Variants in MAPK10 observed in about 807,000 individuals in gnomAD.
The protein encoded by MAPK10 is JNK3 alpha protein kinase.
MAPK10 carries 25 observed loss-of-function variants against 59.3 expected under a neutral mutation model. The ratio of observed to expected loss-of-function variants is 0.42; its 90% confidence interval spans 0.31 to 0.59. The LOEUF (loss-of-function observed/expected upper bound fraction) is 0.59, where lower values mean the gene tolerates loss of function less well. Ranked by LOEUF, MAPK10 falls within the 20% of genes least tolerant of loss-of-function variation. The pLI is 0.15. For missense variants in MAPK10, 351 were observed against 568.9 expected (o/e 0.62, Z 3.90); for synonymous variants, 190 against 200.5 (o/e 0.95, Z 0.44).
chr4:86,503,590 A>G (rs1467021307), intron 1 of MAPK10, among the ~76,000 whole-genome samples: 1 of 152,096 alleles, frequency 6.6e-6, no homozygotes, highest in African/African-American at 2.4e-5. Flanking sequence ...TATTCAACCA[A>G]TAAGAAGCAT....
At chr4:86,507,314 T>C (rs768700018) in intron 1 of MAPK10, among the ~76,000 whole-genome samples, 66 of 151,988 alleles carry the variant, frequency 4.3e-4, no homozygotes, top group Non-Finnish European at 8.2e-4. Context: ...AGCTATTAGA[T>C]TGACCAAATA....
chr4:86,295,284 C>T (rs1360603155), intron 2 of MAPK10, among the ~76,000 whole-genome samples: 1 of 152,166 alleles, frequency 6.6e-6, no homozygotes, highest in Non-Finnish European at 1.5e-5. Context: ...TACTTGCTCC[C>T]TCACCTCCTC....
intron 3 of MAPK10, chr4:86,193,890 A>T: frequency 6.0e-6 from 1 of 167,782 alleles, no homozygotes; most frequent in South Asian, 1.5e-4. Flanking sequence ...CGGTGTAGAC[A>T]CCTGAGGGAA....
intron 4 of MAPK10, among the ~76,000 whole-genome samples, chr4:86,118,734 A>C (rs1197401695): frequency 6.6e-6 from 1 of 152,074 alleles, no homozygotes; most frequent in African/African-American, 2.4e-5. Flanking sequence ...TTATTTGACA[A>C]TTTTTCTTGT....
chr4:86,471,825 T>C (rs1255731156), intron 1 of MAPK10, among the ~76,000 whole-genome samples: 1 of 152,200 alleles, frequency 6.6e-6, no homozygotes, highest in Non-Finnish European at 1.5e-5. Flanking sequence ...TGTACCTCTT[T>C]AATATGAAAT....
At chr4:86,513,141 G>C (rs971584998) in intron 1 of MAPK10, among the ~76,000 whole-genome samples, 12 of 151,788 alleles carry the variant, frequency 7.9e-5, no homozygotes, top group Non-Finnish European at 1.8e-4. Flanking sequence ...TCAAATTCCT[G>C]TGCTTAAGCA....
At chr4:86,028,285 C>T (rs1446587649) in intron 13 of MAPK10, 1 of 152,068 alleles carries the variant, frequency 6.6e-6, no homozygotes, top group Non-Finnish European at 1.5e-5. Flanking sequence ...AAGGGAAAAA[C>T]TTGGGATAAA....
chr4:86,100,895 T>A (rs1335633794), intron 8 of MAPK10, 157 bp downstream of exon 8: 1 of 577,878 alleles, frequency 1.7e-6, no homozygotes, highest in East Asian at 2.8e-5. Flanking sequence ...TTAATGAGTG[T>A]TTCTTACCAG....
intron 1 of MAPK10, among the ~76,000 whole-genome samples, chr4:86,576,749 T>A (rs1429296003): frequency 6.7e-6 from 1 of 148,622 alleles, no homozygotes; most frequent in African/African-American, 2.5e-5. Context: ...TAGTCCAGCC[T>A]AGGGGACAGT....
chr4:86,281,623 A>G (rs1175408607), intron 2 of MAPK10, among the ~76,000 whole-genome samples: 2 of 152,186 alleles, frequency 1.3e-5, no homozygotes, highest in African/African-American at 4.8e-5. Context: ...TTGAACAGGA[A>G]TGAAGCTTGT....
chr4:86,424,131 A>G (rs1043045915), intron 1 of MAPK10, among the ~76,000 whole-genome samples: 1 of 152,130 alleles, frequency 6.6e-6, no homozygotes, highest in Admixed American at 6.5e-5. Flanking sequence ...AATTCCACCA[A>G]CTTTGCTTCC....
chr4:86,418,521 C>G (rs1035372406), intron 1 of MAPK10, among the ~76,000 whole-genome samples: 10 of 152,168 alleles, frequency 6.6e-5, no homozygotes, highest in African/African-American at 2.4e-4. Context: ...CTAAAATTAG[C>G]AACTGCAAAC....
intron 2 of MAPK10, chr4:86,327,560 T>C (rs1030918832): frequency 2.6e-5 from 4 of 151,926 alleles, no homozygotes; most frequent in African/African-American, 7.3e-5. Flanking sequence ...CATTCTTGTA[T>C]TGAATACAGG....
chr4:86,083,181 C>G lies in MAPK10; in HGVS notation c.803-15226G>C, dbSNP rs946023310. Reference sequence around the variant, plus strand: ...CAAAATAGAAGGCTCCACCAATCATCCCCCCTGAAAGGACCCCAATTTAAC... The same window carrying G: ...CAAAATAGAAGGCTCCACCAATCATGCCCCCTGAAAGGACCCCAATTTAAC... On this transcript the variant is annotated intron_variant, in intron 9 of 13. Coordinates refer to ENST00000641462, the MANE Select transcript of MAPK10 (RefSeq NM_138982.4). 2.0e-5 allele frequency among the ~76,000 whole-genome samples: 3 copies of G among 152,000 alleles called. No individual in the cohort carries two copies. In the East Asian group the frequency reaches 5.8e-4, roughly 29 times the overall value.
intron 4 of MAPK10, among the ~76,000 whole-genome samples, chr4:86,141,446 C>A (rs1423219701): frequency 6.6e-6 from 1 of 152,188 alleles, no homozygotes. Flanking sequence ...TCAGTTTCTA[C>A]ACCACTGGTA....
intron 2 of MAPK10, among the ~76,000 whole-genome samples, chr4:86,269,611 T>C (rs2094367414): frequency 6.6e-6 from 1 of 152,152 alleles, no homozygotes; most frequent in Non-Finnish European, 1.5e-5. Context: ...TAATTCACAT[T>C]ATTTTTTCCT....
chr4:86,114,062 T>C (rs1056071487), intron 4 of MAPK10, among the ~76,000 whole-genome samples: 2 of 152,250 alleles, frequency 1.3e-5, no homozygotes, highest in Admixed American at 6.5e-5. Flanking sequence ...TTCAGCTCCA[T>C]CAGGTCATTT....
chr4:86,571,421 T>A (rs1761443878), intron 1 of MAPK10, among the ~76,000 whole-genome samples: 3 of 150,552 alleles, frequency 2.0e-5, no homozygotes, highest in Admixed American at 2.0e-4. Flanking sequence ...TTTCCAAACA[T>A]CACAAAAATG....
intron 11 of MAPK10, among the ~76,000 whole-genome samples, chr4:86,039,587 C>T (rs957726523): frequency 1.3e-5 from 2 of 152,156 alleles, no homozygotes; most frequent in Admixed American, 6.5e-5. Flanking sequence ...ACTGCCAGGT[C>T]TACCTTAGCA....
Sources: allele counts gnomAD v4.1 joint callset (sites outside exome capture counted in the v4.1 genomes callset), GRCh38; gene constraint gnomAD v4.1.1; transcripts MANE v1.5; gene names NCBI Gene and HGNC (gene_info 2026-07-23, HGNC 2026-07-21).